The following SEC16B variants were observed in gnomAD, a reference collection of about 807,000 sequenced individuals.
SEC16B encodes the protein SEC16 homolog B, endoplasmic reticulum export factor, also known as protein transport protein Sec16B.
Under a neutral mutation model 141.8 loss-of-function variants are expected in SEC16B, and 115 were observed. That is an observed-to-expected ratio of 0.81 (90% CI 0.70 to 0.95). The LOEUF (loss-of-function observed/expected upper bound fraction) is 0.95. Among genes scored for constraint, SEC16B ranks in the 40% least tolerant of loss-of-function variants. The pLI is 0.00. For missense variants in SEC16B, 1,291 were observed against 1,312.3 expected (o/e 0.98, Z 0.25); for synonymous variants, 493 against 492.5 (o/e 1.00, Z -0.01).
rs77788256 is a variant in SEC16B, at chr1:177,946,679, C to T, written c.1664-148G>A. 7.9e-3 allele frequency: 4,902 copies of T among 623,106 alleles called. 196 individuals are homozygous for T. The African/African-American group carries it at 0.079, about 10-fold the overall frequency. 38.6% of individuals were successfully genotyped at this position (623,106 alleles called of 1,614,324 possible). On this transcript the variant is annotated intron_variant, in intron 13 of 25. Transcript: ENST00000308284. Reference sequence around the variant, plus strand: ...GACTAAATGAATGAGCCTTTCATAGCGTGAGTCACAGACCCCTAAACCCCA... The same window carrying T: ...GACTAAATGAATGAGCCTTTCATAGTGTGAGTCACAGACCCCTAAACCCCA...
intron 3 of SEC16B, 138 bp from the exon 4 acceptor site, chr1:177,965,305 T>C: frequency 9.6e-7 from 1 of 1,040,614 alleles, no homozygotes; most frequent in Admixed American, 2.4e-5. Context: ...AAAAAATAGA[T>C]AGGTGAGAGC....
chr1:177,980,228 T>C (rs1654349345), intron 1 of SEC16B, among the ~76,000 whole-genome samples: 1 of 152,196 alleles, frequency 6.6e-6, no homozygotes, highest in Non-Finnish European at 1.5e-5. Flanking sequence ...ATGTCATTCA[T>C]TAAATAAATT....
chr1:177,948,527 G>T, intron 12 of SEC16B: 5 of 1,304,276 alleles, frequency 3.8e-6, no homozygotes, highest in Non-Finnish European at 5.1e-6. Context: ...CTAGGACGAT[G>T]CAGAGGCAGC....
chr1:177,961,183 C>T, intron 6 of SEC16B: 1 of 512,186 alleles, frequency 2.0e-6, no homozygotes, highest in Middle Eastern at 5.2e-4. Flanking sequence ...TGCTCTCAGC[C>T]CAGACTCTCA....
At position 177,954,302 on chromosome 1, in the gene SEC16B, C is replaced by G. The variant is rs1557981103; in HGVS notation, c.1440G>C (p.Gln480His). 7.7e-6 allele frequency: 12 copies of G among 1,568,466 alleles called. No individual in the cohort carries two copies. The Admixed American group carries it at 1.3e-4, about 17-fold the overall frequency. The part of the protein sequence containing the change: ...ALFLSSKMDP[Q>H]TYSWVMSGFT... ...ACCCACTCATGACCCAGCTGTAGGT[C>G]TGTGGGTCCATCTTGCTGGACAGGA... The change falls in exon 11 of 26, where the codon CAG becomes CAC. Residue 480 changes from glutamine to histidine, a missense_variant. This residue lies in a region of SEC16B where 681 missense variants were observed against 675.5 expected (regional missense o/e 1.01). Coordinates refer to ENST00000308284, the MANE Select transcript of SEC16B (RefSeq NM_033127.4).
rs1199952224 is a variant in SEC16B at position 177,940,559 on chromosome 1, G to A, written c.2127+51C>T. 4 of 1,303,638 alleles carry A rather than the reference G, an allele frequency of 3.1e-6. No individual in the cohort carries two copies. In the East Asian group the frequency reaches 9.3e-5, roughly 30 times the overall value. The allele number at this position is 1,303,638 out of a possible 1,614,324, so 80.8% of individuals were successfully genotyped here. A position where few individuals can be genotyped will look rare whatever the true frequency, so the allele number is the denominator to read the frequency against. ...CCTGTTCCATGTCTAGGGGTGGGAA[G>A]AGGGAAACAAAGGCCAGTCCCCCCA... On this transcript the variant is annotated intron_variant, in intron 17 of 25. Transcript: ENST00000308284.
chr1:177,934,219 G>C (rs1057488458), intron 20 of SEC16B, among the ~76,000 whole-genome samples: 1 of 152,050 alleles, frequency 6.6e-6, no homozygotes, highest in Non-Finnish European at 1.5e-5. Context: ...GTGGCAGTAA[G>C]TATACACACA....
chr1:177,948,769 G>A, intron 12 of SEC16B: 1 of 1,031,614 alleles, frequency 9.7e-7, no homozygotes, highest in Non-Finnish European at 1.3e-6. Context: ...GTTTCTTAAT[G>A]TCTCTGAACC....
chr1:177,941,800 T>C (rs1651294061), intron 16 of SEC16B, 100 bp downstream of exon 16: 2 of 1,366,774 alleles, frequency 1.5e-6, no homozygotes, highest in Non-Finnish European at 2.0e-6. Flanking sequence ...TTTTATGGCA[T>C]GTTCAAAGAA....
In SEC16B at chr1:177,949,237, C is replaced by T. The variant is rs1370877289; in HGVS notation, c.1546-1295G>A. 2.0e-5 allele frequency among the ~76,000 whole-genome samples: 3 copies of T among 152,076 alleles called. No homozygotes were observed. The East Asian group carries it at 5.8e-4, about 29-fold the overall frequency. On this transcript the variant is annotated intron_variant, in intron 12 of 25. Coordinates refer to ENST00000308284, the MANE Select transcript of SEC16B (RefSeq NM_033127.4). ...AGCAGTTCTCATGTGTCACATCGAA[C>T]CATGAACTATATCCTGTGCTAAGCA...
intron 20 of SEC16B, among the ~76,000 whole-genome samples, chr1:177,933,986 A>G (rs1650646993): frequency 6.7e-6 from 1 of 150,056 alleles, no homozygotes; most frequent in Non-Finnish European, 1.5e-5. Context: ...GAGGCCCACA[A>G]GCTCCCCCCA....
chr1:177,945,220 A>T (rs1200306833), intron 14 of SEC16B: 1 of 152,402 alleles, frequency 6.6e-6, no homozygotes, highest in Non-Finnish European at 1.5e-5. Flanking sequence ...GAGGATGGGG[A>T]CTGAGTGAAT....
At chr1:177,958,782 A>G (rs1470246582) in intron 9 of SEC16B, 58 bp downstream of exon 9, 2 of 1,556,930 alleles carry the variant, frequency 1.3e-6, no homozygotes, top group African/African-American at 1.4e-5. Flanking sequence ...AATCTTATCT[A>G]TCCCATGAAG....
chr1:177,948,403 T>C, intron 12 of SEC16B: 1 of 1,304,460 alleles, frequency 7.7e-7, no homozygotes, highest in Non-Finnish European at 1.0e-6. Flanking sequence ...ATGCCTATGT[T>C]TTCTGGCTCT....
chr1:177,969,657 A>G (rs1322138256), intron 1 of SEC16B, among the ~76,000 whole-genome samples: 1 of 152,218 alleles, frequency 6.6e-6, no homozygotes, highest in African/African-American at 2.4e-5. Flanking sequence ...TTTGCTGCCA[A>G]GAGACATCAA....
intron 24 of SEC16B, 47 bp downstream of exon 24, chr1:177,932,443 C>T (rs1276804779): frequency 2.2e-6 from 3 of 1,385,548 alleles, no homozygotes; most frequent in Non-Finnish European, 1.9e-6. Flanking sequence ...TCCTCACACA[C>T]AGGCATCTGC....
Position 177,940,665 on chromosome 1 carries a change from CT to C in SEC16B, c.2071del (p.Ser691ValfsTer11). ...LSDPLVLERRSGDRDLEPDWL... is the reference protein window; with the variant it reads ...LSDPLVLERRXGDRDLEPDWL... ...ATCTGGCTCCAGGTCCCTGTCTCCA[CT>C]GCGTCTTTCTAAAACCAGAGGATCT... is the stretch of plus-strand genomic sequence containing the variant. On this transcript the variant is annotated frameshift_variant, in exon 17 of 26. Coordinates refer to ENST00000308284, the MANE Select transcript of SEC16B (RefSeq NM_033127.4). LOFTEE classifies it high-confidence loss of function. 6.2e-7 allele frequency: 1 copy of C among 1,613,928 alleles called. No individual in the cohort carries two copies. Among genetic ancestry groups the C allele is most frequent in the African/African-American group, 1.3e-5 (1 of 75,044 alleles).
At position 177,939,757 on chromosome 1, in the gene SEC16B, A is replaced by G. The variant is rs540840539; in HGVS notation, c.2148T>C (p.Ile716=). The G allele has an allele frequency of 4.4e-6, 7 of 1,592,066 alleles. No individual in the cohort carries two copies. In the African/African-American group the frequency reaches 9.4e-5, roughly 21 times the overall value. ...CTGAGCGAGTAGGATGAGGATCCCCAATGTCTCCTGCTACCTTTTGCTATT... is the reference window on the plus strand; with the variant it reads ...CTGAGCGAGTAGGATGAGGATCCCCGATGTCTCCTGCTACCTTTTGCTATT... ...RQLEQKVAGD[I]GDPHPTRSDI... The change falls in exon 18 of 26, where the codon ATT becomes ATC. Residue 716 remains isoleucine (I), a synonymous_variant. Coordinates refer to ENST00000308284, the MANE Select transcript of SEC16B (RefSeq NM_033127.4).
intron 11 of SEC16B, 131 bp from the exon 12 acceptor site, chr1:177,952,126 C>T (rs1258528423): frequency 1.7e-5 from 13 of 744,426 alleles, no homozygotes; most frequent in Admixed American, 6.4e-5. Context: ...CATCGCTTTG[C>T]TTTCTGCTGT....
Sources: gnomAD v4.1 joint callset for allele counts (sites outside exome capture counted in the v4.1 genomes callset) on GRCh38, gnomAD v4.1.1 for gene constraint, gnomAD v4.1.1 regional missense constraint, MANE v1.5 for transcripts, NCBI Gene and HGNC (gene_info 2026-07-23, HGNC 2026-07-21) for gene names.